Variants in ZNF462 observed in about 807,000 individuals in gnomAD.
ZNF462 encodes the protein zinc finger protein 462, also known as zinc finger PBX1-interacting protein.
A neutral mutation model predicts 201.9 loss-of-function variants in ZNF462; 10 were observed. The ratio of observed to expected loss-of-function variants is 0.05; its 90% confidence interval spans 0.03 to 0.08. The LOEUF (loss-of-function observed/expected upper bound fraction) is 0.08. Among genes scored for constraint, ZNF462 ranks in the 10% least tolerant of loss-of-function variants. ZNF462 has a pLI of 1.00. For synonymous variants in ZNF462, 1,227 were observed against 1,193.3 expected, an observed-to-expected ratio of 1.03 and a Z score of -0.58; for missense variants, 2,523 against 3,168.3, an observed-to-expected ratio of 0.80 and a Z score of 4.89.
chr9:106,995,409 A>G (rs902498109), intron 10 of ZNF462: 2 of 152,054 alleles, frequency 1.3e-5, no homozygotes, highest in Non-Finnish European at 2.9e-5. Flanking sequence ...ATCCCATCAC[A>G]TTTTGCAACA....
In ZNF462 at chr9:106,930,395, G is replaced by A. The variant is rs1588075665; in HGVS notation, c.5848-130G>A. ...ACAAATTTGTTATATAAAAATACTC[G>A]CCTATATCTCCCTTGGTTTTTAACC... is the stretch of plus-strand genomic sequence containing the variant. On this transcript the variant is annotated intron_variant, in intron 3 of 12. Coordinates refer to ENST00000277225, the MANE Select transcript of ZNF462 (RefSeq NM_021224.6). The surrounding 1 kb of genome is among the most constrained non-coding windows in gnomAD (Gnocchi z 5.8). The A allele has an allele frequency of 9.3e-6, 11 of 1,182,590 alleles. No individual in the cohort carries two copies. The East Asian group carries it at 1.3e-4, about 14-fold the overall frequency. 73.3% of individuals were successfully genotyped at this position (1,182,590 alleles called of 1,614,324 possible). A position where few individuals can be genotyped will look rare whatever the true frequency, so the allele number is the denominator to read the frequency against.
intron 10 of ZNF462, among the ~76,000 whole-genome samples, chr9:106,985,560 T>C (rs989490707): frequency 1.3e-5 from 2 of 152,186 alleles, no homozygotes; most frequent in African/African-American, 4.8e-5. Context: ...ATTTGTTTAA[T>C]GACAAGAGCC....
At chr9:106,988,384 A>C (rs1430969798) in intron 10 of ZNF462, among the ~76,000 whole-genome samples, 4 of 152,108 alleles carry the variant, frequency 2.6e-5, no homozygotes, top group Non-Finnish European at 4.4e-5. Flanking sequence ...ATTATCTCCC[A>C]CCAGACCCCT....
Position 107,008,695 on chromosome 9 carries a change from C to A in ZNF462, c.7190-850C>A, listed in dbSNP as rs1474945215. ...TCTTATCTTTGAGTTTGCCAGGAGA[C>A]GTGGCCTGAAAACAGTTAAACAGCC... On this transcript the variant is annotated intron_variant, in intron 11 of 12. Transcript: ENST00000277225. This position sits in a 1 kb window ranked among gnomAD's most constrained non-coding sequence, Gnocchi z 4.8. Among the ~76,000 whole-genome samples, 2 of 152,122 alleles carry A rather than the reference C, an allele frequency of 1.3e-5. No individual in the cohort carries two copies. Among genetic ancestry groups the A allele is most frequent in the Non-Finnish European group, 1.5e-5 (1 of 68,008 alleles).
At chr9:106,941,789 T>G (rs1456614679) in intron 7 of ZNF462, among the ~76,000 whole-genome samples, 1 of 152,220 alleles carries the variant, frequency 6.6e-6, no homozygotes, top group Non-Finnish European at 1.5e-5. Context: ...TACTATAGAT[T>G]TTGTATAGTT....
Position 107,003,552 on chromosome 9 carries a change from C to G in ZNF462, c.7189+126C>G. 8.0e-7 allele frequency: 1 copy of G among 1,243,780 alleles called. No individual in the cohort carries two copies. Among genetic ancestry groups the G allele is most frequent in the Non-Finnish European group, 1.1e-6 (1 of 933,416 alleles). The allele number at this position is 1,243,780 out of a possible 1,614,324, so 77.0% of individuals were successfully genotyped here. A position where few individuals can be genotyped will look rare whatever the true frequency, so the allele number is the denominator to read the frequency against. ...GATCCTTCTTAGTTAAGTAGCAGAA[C>G]AGACTGACTTAGAAAACACATCAAG... On this transcript the variant is annotated intron_variant, in intron 11 of 12. Transcript: ENST00000277225. This position sits in a 1 kb window ranked among gnomAD's most constrained non-coding sequence, Gnocchi z 4.4.
At chr9:106,891,426 G>C (rs1021882826) in intron 1 of ZNF462, among the ~76,000 whole-genome samples, 1 of 151,952 alleles carries the variant, frequency 6.6e-6, no homozygotes, top group Non-Finnish European at 1.5e-5. Context: ...CATACAATAG[G>C]CTGCCTCTCC....
At chr9:106,946,116 A>G (rs1189886069) in intron 7 of ZNF462, among the ~76,000 whole-genome samples, 1 of 152,248 alleles carries the variant, frequency 6.6e-6, no homozygotes, top group Non-Finnish European at 1.5e-5. Flanking sequence ...ATTGTTCATC[A>G]GAAATGTAAC....
Position 106,935,074 on chromosome 9 carries a change from T to C in ZNF462, c.6117-429T>C, listed in dbSNP as rs149219405. On this transcript the variant is annotated intron_variant, in intron 5 of 12. Coordinates refer to ENST00000277225, the MANE Select transcript of ZNF462 (RefSeq NM_021224.6). The surrounding 1 kb of genome is among the most constrained non-coding windows in gnomAD (Gnocchi z 4.1). The stretch of plus-strand genomic sequence containing the variant: ...GAATTCAAAAAGAAAGTCAGCTCTT[T>C]TCAAATGCTAAATTTCTCTAATTCC... 6.0e-4 allele frequency among the ~76,000 whole-genome samples: 92 copies of C among 152,330 alleles called. No homozygotes were observed. Among genetic ancestry groups the C allele is most frequent in the Admixed American group, 2.2e-3 (33 of 15,292 alleles).
intron 7 of ZNF462, among the ~76,000 whole-genome samples, chr9:106,946,257 T>C (rs138876648): frequency 1.3e-5 from 2 of 152,348 alleles, no homozygotes; most frequent in East Asian, 3.9e-4. Context: ...ACCTCATTTG[T>C]GGAAAGTATC....
Position 107,003,250 on chromosome 9 carries a change from G to A in ZNF462, c.7057-44G>A. The A allele has an allele frequency of 6.2e-7, 1 of 1,609,104 alleles. No homozygotes were observed. The highest frequency in any genetic ancestry group is 8.5e-7 in the Non-Finnish European group (1 of 1,177,470). On this transcript the variant is annotated intron_variant, in intron 10 of 12. Coordinates refer to ENST00000277225, the MANE Select transcript of ZNF462 (RefSeq NM_021224.6). This position sits in a 1 kb window ranked among gnomAD's most constrained non-coding sequence, Gnocchi z 4.4. ...CTCTCCATCAGGGAGAACCCCATTT[G>A]GTCTGCGGTTTATTATTCCATCATT...
chr9:106,894,577 C>A (rs1828731277), intron 1 of ZNF462, among the ~76,000 whole-genome samples: 1 of 152,220 alleles, frequency 6.6e-6, no homozygotes, highest in Admixed American at 6.5e-5. Flanking sequence ...CATTAGGTAA[C>A]TACCTCAAGG....
At chr9:106,969,593 T>C (rs1046079815) in intron 7 of ZNF462, among the ~76,000 whole-genome samples, 9 of 152,142 alleles carry the variant, frequency 5.9e-5, no homozygotes, top group Non-Finnish European at 1.3e-4. Flanking sequence ...CATTTCTTTA[T>C]AGTTTTGCTA....
At chr9:106,988,392 C>G (rs1057228827) in intron 10 of ZNF462, among the ~76,000 whole-genome samples, 1 of 152,120 alleles carries the variant, frequency 6.6e-6, no homozygotes, top group Non-Finnish European at 1.5e-5. Context: ...CCACCAGACC[C>G]CTCCCACAGT....
At chr9:107,000,815 TGA>T (rs1316002520) in intron 10 of ZNF462, among the ~76,000 whole-genome samples, 1 of 151,886 alleles carries the variant, frequency 6.6e-6, no homozygotes. Flanking sequence ...AAACCCAGAA[TGA>T]GGGGGAAAAA....
intron 1 of ZNF462, among the ~76,000 whole-genome samples, chr9:106,882,624 A>C (rs1828149206): frequency 6.6e-6 from 1 of 152,234 alleles, no homozygotes; most frequent in Admixed American, 6.5e-5. Context: ...ATGACATTTG[A>C]CTAGTATGAT....
chr9:106,928,610 G>A lies in ZNF462; in HGVS notation c.4698G>A (p.Thr1566=), dbSNP rs759514037. 1.9e-6 allele frequency: 3 copies of A among 1,614,138 alleles called. No individual in the cohort carries two copies. Among genetic ancestry groups the A allele is most frequent in the East Asian group, 2.2e-5 (1 of 44,872 alleles). Reference sequence around the variant, plus strand: ...TATCCCAGAATGACGTGGAGGAGACGAGCAGGATCTTCAAGCAAGGGTATG... The same window carrying A: ...TATCCCAGAATGACGTGGAGGAGACAAGCAGGATCTTCAAGCAAGGGTATG... The part of the protein sequence containing the change: ...ADISQNDVEE[T]SRIFKQGYGA... Residue 1566 remains threonine, a synonymous_variant, in exon 3 of 13, where the codon ACG becomes ACA. Coordinates refer to ENST00000277225, the MANE Select transcript of ZNF462 (RefSeq NM_021224.6). The surrounding 1 kb of genome is among the most constrained non-coding windows in gnomAD (Gnocchi z 9.3).
chr9:106,999,722 ATAGG>A (rs1168036825), intron 10 of ZNF462, among the ~76,000 whole-genome samples: 2 of 152,220 alleles, frequency 1.3e-5, no homozygotes, highest in African/African-American at 4.8e-5. Context: ...GTTATTATGT[ATAGG>A]TAGTTGGACT....
intron 7 of ZNF462, among the ~76,000 whole-genome samples, chr9:106,969,327 C>T (rs1368188814): frequency 1.3e-5 from 2 of 152,148 alleles, no homozygotes; most frequent in South Asian, 2.1e-4. Flanking sequence ...ATGCTTTTCC[C>T]GTGACTTCTT....
Sources: gnomAD v4.1 joint callset for allele counts (sites outside exome capture counted in the v4.1 genomes callset) on GRCh38, gnomAD v4.1.1 for gene constraint, Gnocchi (gnomAD v3.1) non-coding constraint, MANE v1.5 for transcripts, NCBI Gene and HGNC (gene_info 2026-07-23, HGNC 2026-07-21) for gene names.